Variants in GRIN3A observed in about 807,000 individuals in gnomAD.
GRIN3A encodes the protein glutamate receptor ionotropic, NMDA 3A.
Under a neutral mutation model 92.4 loss-of-function variants are expected in GRIN3A, and 47 were observed. The observed-to-expected ratio is 0.51, with a 90% CI of 0.40 to 0.65. GRIN3A has a LOEUF of 0.65. GRIN3A is among the 30% of genes least tolerant of loss of function. GRIN3A has a pLI of 0.00. For synonymous variants in GRIN3A, 527 were observed against 540.6 expected (o/e 0.97, Z 0.35); for missense variants, 1,324 against 1,393.1 (o/e 0.95, Z 0.79).
chr9:101,650,816 C>A (rs906100390), intron 3 of GRIN3A, among the ~76,000 whole-genome samples: 3 of 151,746 alleles, frequency 2.0e-5, no homozygotes, highest in African/African-American at 4.8e-5. Flanking sequence ...TGGAATTCCA[C>A]CCCCCCACAC....
At chr9:101,732,204 A>G (rs1412376306) in intron 1 of GRIN3A, among the ~76,000 whole-genome samples, 2 of 152,240 alleles carry the variant, frequency 1.3e-5, no homozygotes, top group Non-Finnish European at 2.9e-5. Context: ...AGCTTAGGTC[A>G]GTATGAATCA....
intron 3 of GRIN3A, among the ~76,000 whole-genome samples, chr9:101,657,124 C>A (rs1388320142): frequency 3.3e-5 from 5 of 151,978 alleles, no homozygotes; most frequent in Admixed American, 6.6e-5. Context: ...GAAAAAATTT[C>A]TTAATTCCAA....
chr9:101,698,857 A>T (rs1272194627), intron 1 of GRIN3A, among the ~76,000 whole-genome samples: 1 of 152,014 alleles, frequency 6.6e-6, no homozygotes, highest in East Asian at 1.9e-4. Context: ...TTTAGTAGAG[A>T]TGGGGTTTCA....
chr9:101,714,017 A>T (rs1423468472), intron 1 of GRIN3A, among the ~76,000 whole-genome samples: 3 of 152,222 alleles, frequency 2.0e-5, no homozygotes, highest in East Asian at 3.8e-4. Context: ...ACAGAGTAAG[A>T]TCCTGTTTCT....
At chr9:101,639,915 C>T (rs1828833997) in intron 3 of GRIN3A, among the ~76,000 whole-genome samples, 2 of 152,106 alleles carry the variant, frequency 1.3e-5, no homozygotes, top group Non-Finnish European at 2.9e-5. Context: ...ATCCTTTCCT[C>T]TTGCTTTATT....
At chr9:101,606,813 G>T (rs6479057) in intron 6 of GRIN3A, among the ~76,000 whole-genome samples, 148,631 of 152,192 alleles carry the variant, frequency 0.98, 72,589 homozygotes, top group East Asian at 1. Flanking sequence ...AACTGTGGTC[G>T]GCTGCCTTGC....
At chr9:101,576,454 A>C (rs375706964) in intron 8 of GRIN3A, among the ~76,000 whole-genome samples, 9 of 152,360 alleles carry the variant, frequency 5.9e-5, no homozygotes, top group African/African-American at 2.2e-4. Flanking sequence ...AAACTGGGTA[A>C]GTTGCATCAA....
intron 5 of GRIN3A, among the ~76,000 whole-genome samples, chr9:101,616,244 G>A (rs58984022): frequency 0.12 from 18,306 of 152,152 alleles, 1,939 homozygotes; most frequent in African/African-American, 0.29. Context: ...TCCTGAATAA[G>A]TGTTTGTGCA....
chr9:101,683,611 G>T (rs1249706855), intron 2 of GRIN3A, among the ~76,000 whole-genome samples: 1 of 151,948 alleles, frequency 6.6e-6, no homozygotes, highest in Non-Finnish European at 1.5e-5. Context: ...CTCTTTTCCT[G>T]TATCCCTCAG....
chr9:101,647,676 A>C (rs1435531945), intron 3 of GRIN3A, among the ~76,000 whole-genome samples: 1 of 151,746 alleles, frequency 6.6e-6, no homozygotes, highest in Non-Finnish European at 1.5e-5. Flanking sequence ...CTTGTTACTT[A>C]TTATTAGTCT....
At chr9:101,609,374 C>T (rs1365586570) in intron 6 of GRIN3A, among the ~76,000 whole-genome samples, 1 of 152,146 alleles carries the variant, frequency 6.6e-6, no homozygotes, top group Non-Finnish European at 1.5e-5. Flanking sequence ...TGCTGTGCTT[C>T]CATAAATGAC....
At chr9:101,726,751 A>G (rs1046805434) in intron 1 of GRIN3A, among the ~76,000 whole-genome samples, 1 of 151,326 alleles carries the variant, frequency 6.6e-6, no homozygotes, top group Non-Finnish European at 1.5e-5. Context: ...TTAAATTTAA[A>G]TTTTTAAAAA....
intron 2 of GRIN3A, among the ~76,000 whole-genome samples, chr9:101,686,190 T>C (rs1012649543): frequency 5.3e-5 from 8 of 152,208 alleles, no homozygotes; most frequent in African/African-American, 1.9e-4. Flanking sequence ...TTATTTTGCA[T>C]CTACTATAAG....
chr9:101,737,257 C>T (rs1830219975), intron 1 of GRIN3A, 24 bp downstream of exon 1: 2 of 1,605,614 alleles, frequency 1.2e-6, no homozygotes, highest in Admixed American at 3.3e-5. Flanking sequence ...CCCATCTCCA[C>T]TCCACGCACC....
intron 6 of GRIN3A, chr9:101,594,727 G>A (rs894352330): frequency 2.5e-6 from 4 of 1,613,490 alleles, no homozygotes; most frequent in Admixed American, 3.3e-5. Flanking sequence ...CTCCATCACC[G>A]TCGGTGTCGA....
At chr9:101,702,312 A>T (rs534269139) in intron 1 of GRIN3A, among the ~76,000 whole-genome samples, 58 of 152,194 alleles carry the variant, frequency 3.8e-4, no homozygotes, top group South Asian at 1.7e-3. Flanking sequence ...CCAAAAAAAA[A>T]TTTTTTTATT....
chr9:101,588,233 C>T (rs58741335), intron 6 of GRIN3A, among the ~76,000 whole-genome samples: 1,539 of 152,270 alleles, frequency 0.01, 27 homozygotes, highest in African/African-American at 0.035. Flanking sequence ...GGAAGTTTCT[C>T]ATTAACCAAG....
intron 6 of GRIN3A, among the ~76,000 whole-genome samples, chr9:101,589,211 G>A (rs59048832): frequency 0.055 from 8,432 of 152,176 alleles, 322 homozygotes; most frequent in South Asian, 0.1. Flanking sequence ...GACCTCAAGC[G>A]ATCCACCTGC....
At chr9:101,656,519 GTTGGA>G (rs1485806037) in intron 3 of GRIN3A, among the ~76,000 whole-genome samples, 3 of 151,904 alleles carry the variant, frequency 2.0e-5, no homozygotes, top group African/African-American at 7.2e-5. Flanking sequence ...GTGATCTGAT[GTTGGA>G]TCATATGGAA....
Sources: gnomAD v4.1 joint callset for allele counts (sites outside exome capture counted in the v4.1 genomes callset) on GRCh38, gnomAD v4.1.1 for gene constraint, MANE v1.5 for transcripts, NCBI Gene and HGNC (gene_info 2026-07-23, HGNC 2026-07-21) for gene names.